GATAD2A: variants seen among roughly 807,000 people sequenced by gnomAD.
The protein encoded by GATAD2A is GATA zinc finger domain containing 2A.
A neutral mutation model predicts 68.5 loss-of-function variants in GATAD2A; 12 were observed. The observed-to-expected ratio is 0.18, with a 90% CI of 0.11 to 0.28. The LOEUF (loss-of-function observed/expected upper bound fraction) is 0.28, where lower values mean the gene tolerates loss of function less well. GATAD2A is among the 10% of genes least tolerant of loss of function. The probability of loss-of-function intolerance (pLI) is 1.00; values close to 1 mark genes in which losing one functional copy is unlikely to be tolerated. For missense variants in GATAD2A, 755 were observed against 868.5 expected, an observed-to-expected ratio of 0.87 and a Z score of 1.64; for synonymous variants, 410 against 375.3, an observed-to-expected ratio of 1.09 and a Z score of -1.07.
At chr19:19,491,031 T>A (rs1013670558) in intron 2 of GATAD2A, among the ~76,000 whole-genome samples, 2 of 152,188 alleles carry the variant, frequency 1.3e-5, no homozygotes, top group Non-Finnish European at 2.9e-5. Flanking sequence ...GTGTTCAGCC[T>A]TGCGCCTTCA....
At chr19:19,445,749 A>G (rs1340031015) in intron 1 of GATAD2A, among the ~76,000 whole-genome samples, 2 of 152,112 alleles carry the variant, frequency 1.3e-5, no homozygotes, top group Non-Finnish European at 2.9e-5. Context: ...TCAGAGTTTC[A>G]TTCCTTTTTA....
chr19:19,452,371 C>G (rs1008903114), intron 1 of GATAD2A, among the ~76,000 whole-genome samples: 2 of 152,152 alleles, frequency 1.3e-5, no homozygotes, highest in Non-Finnish European at 2.9e-5. Flanking sequence ...GGGAGACTGC[C>G]CATCTTGTGG....
At chr19:19,467,273 G>T (rs2057944936) in intron 2 of GATAD2A, among the ~76,000 whole-genome samples, 1 of 152,172 alleles carries the variant, frequency 6.6e-6, no homozygotes, top group African/African-American at 2.4e-5. Context: ...TGACTTGGGA[G>T]GCTGAGGCAG....
chr19:19,426,487 C>T (rs952925792), intron 1 of GATAD2A, among the ~76,000 whole-genome samples: 5 of 152,098 alleles, frequency 3.3e-5, no homozygotes, highest in Admixed American at 6.6e-5. Context: ...CCTCACCATT[C>T]CATGTGTTTC....
At chr19:19,438,085 C>CA (rs1430698275) in intron 1 of GATAD2A, among the ~76,000 whole-genome samples, 4 of 152,206 alleles carry the variant, frequency 2.6e-5, no homozygotes, top group Non-Finnish European at 5.9e-5. Flanking sequence ...AGTTCAGACT[C>CA]AAAGTCTGTG....
chr19:19,508,806 AAAG>A lies in GATAD2A; in HGVS notation c.*3335_*3337del, dbSNP rs2060975502. 1 of 152,226 alleles carries A rather than the reference AAAG, an allele frequency of 6.6e-6. No homozygotes were observed. The highest frequency in any genetic ancestry group is 1.5e-5 in the Non-Finnish European group (1 of 68,048). The allele number at this position is 152,226 out of a possible 1,614,324, so 9.4% of individuals were successfully genotyped here. Reference sequence around the variant, plus strand: ...ATCTTTGATAGTAAAACAAATGTAAAAAGAAATGTTTGCCACCAGATGGGAATA... The same window carrying A: ...ATCTTTGATAGTAAAACAAATGTAAAAAATGTTTGCCACCAGATGGGAATA... On this transcript the variant is annotated 3_prime_UTR_variant, in exon 12 of 12. Transcript: ENST00000683918.
At chr19:19,412,068 ATCTCTCTCTC>A (rs67449967) in intron 1 of GATAD2A, among the ~76,000 whole-genome samples, 1 of 138,522 alleles carries the variant, frequency 7.2e-6, no homozygotes, top group African/African-American at 2.6e-5. Context: ...GCAATCCCCC[ATCTCTCTCTC>A]TCTCTCTCTC....
chr19:19,506,280 G>A lies in GATAD2A; in HGVS notation c.*806G>A. ...CTGAAGAACAGACCCAGCCAGAGAA[G>A]CAGGGATTCCAGAAGCTGCCCATTA... On this transcript the variant is annotated 3_prime_UTR_variant, in exon 12 of 12. Coordinates refer to ENST00000683918, the MANE Select transcript of GATAD2A (RefSeq NM_001384528.1). 1 of 398,122 alleles carries A rather than the reference G, an allele frequency of 2.5e-6. No individual in the cohort carries two copies. Among genetic ancestry groups the A allele is most frequent in the Non-Finnish European group, 4.4e-6 (1 of 225,960 alleles). The allele number at this position is 398,122 out of a possible 1,614,324, so 24.7% of individuals were successfully genotyped here.
chr19:19,438,196 G>A (rs2054589515), intron 1 of GATAD2A, among the ~76,000 whole-genome samples: 1 of 152,210 alleles, frequency 6.6e-6, no homozygotes, highest in Non-Finnish European at 1.5e-5. Flanking sequence ...CAGAAACAGA[G>A]GGTAGGACTA....
chr19:19,451,295 C>T (rs1203993948), intron 1 of GATAD2A, among the ~76,000 whole-genome samples: 3 of 151,952 alleles, frequency 2.0e-5, no homozygotes, highest in Admixed American at 1.3e-4. Flanking sequence ...GCAGGGGAAT[C>T]ACTTGAACCC....
Position 19,505,682 on chromosome 19 carries a change from A to G in GATAD2A, c.*208A>G. On this transcript the variant is annotated 3_prime_UTR_variant, in exon 12 of 12. Transcript: ENST00000683918. ...GGGGCTGGTGCCGCCTCATAGGCAG[A>G]CGAGGATCATCGCTGGGGGACCTTT... The G allele has an allele frequency of 2.1e-6, 1 of 484,462 alleles. No homozygotes were observed. Among genetic ancestry groups the G allele is most frequent in the South Asian group, 3.6e-5 (1 of 27,784 alleles). The allele number at this position is 484,462 out of a possible 1,614,324, so 30.0% of individuals were successfully genotyped here. A position where few individuals can be genotyped will look rare whatever the true frequency, so the allele number is the denominator to read the frequency against.
chr19:19,445,004 G>A (rs1482098504), intron 1 of GATAD2A, among the ~76,000 whole-genome samples: 1 of 152,076 alleles, frequency 6.6e-6, no homozygotes. Context: ...GCCCTCTGAG[G>A]CCACTTCCTC....
In GATAD2A at chr19:19,498,339, G is replaced by T. The variant is rs1029054510; in HGVS notation, c.925-104G>T. 6.9e-6 allele frequency: 7 copies of T among 1,013,424 alleles called. No individual in the cohort carries two copies. In the African/African-American group the frequency reaches 8.1e-5, roughly 12 times the overall value. The allele number at this position is 1,013,424 out of a possible 1,614,324, so 62.8% of individuals were successfully genotyped here. Reference sequence around the variant, plus strand: ...TTTGTTAAGGACGCCATCGTCAAGGGTACTGGTTAGTGCAGTTGACAGGAC... The same window carrying T: ...TTTGTTAAGGACGCCATCGTCAAGGTTACTGGTTAGTGCAGTTGACAGGAC... On this transcript the variant is annotated intron_variant, in intron 7 of 11. Coordinates refer to ENST00000683918, the MANE Select transcript of GATAD2A (RefSeq NM_001384528.1).
intron 1 of GATAD2A, among the ~76,000 whole-genome samples, chr19:19,445,080 A>G (rs2055557281): frequency 6.6e-6 from 1 of 151,920 alleles, no homozygotes. Flanking sequence ...ACTCCCAGGC[A>G]TTGGATCTTT....
chr19:19,496,247 G>T, intron 7 of GATAD2A, 28 bp downstream of exon 7: 1 of 1,599,090 alleles, frequency 6.3e-7, no homozygotes, highest in Admixed American at 1.7e-5. Flanking sequence ...CTGTGCCAGG[G>T]AGAGTGTGTG....
In GATAD2A at chr19:19,425,988, A is replaced by G. The variant is rs537259242; in HGVS notation, c.-7+19969A>G. Reference sequence around the variant, plus strand: ...TTTTTTGTAGGGATGGTGTTTTGCTATGTTGTCCAGGCTGGTCTCGAACTT... The same window carrying G: ...TTTTTTGTAGGGATGGTGTTTTGCTGTGTTGTCCAGGCTGGTCTCGAACTT... On this transcript the variant is annotated intron_variant, in intron 1 of 11. Coordinates refer to ENST00000683918, the MANE Select transcript of GATAD2A (RefSeq NM_001384528.1). Among the ~76,000 whole-genome samples, 99 of 152,060 alleles carry G rather than the reference A, an allele frequency of 6.5e-4. No homozygotes were observed. The South Asian group carries it at 0.017, about 25-fold the overall frequency.
chr19:19,397,150 T>C (rs142075014), intron 1 of GATAD2A, among the ~76,000 whole-genome samples: 323 of 152,344 alleles, frequency 2.1e-3, no homozygotes, highest in African/African-American at 6.9e-3. Context: ...GCTGATCACA[T>C]TGGCAAGAAA....
At chr19:19,463,804 C>T (rs1260836047) in intron 1 of GATAD2A, among the ~76,000 whole-genome samples, 3 of 152,172 alleles carry the variant, frequency 2.0e-5, no homozygotes, top group African/African-American at 4.8e-5. Flanking sequence ...AGCCGGTGCC[C>T]GGGTGCCCTG....
chr19:19,393,989 T>G lies in GATAD2A; in HGVS notation c.-7+7851T>G, dbSNP rs542563051. On this transcript the variant is annotated intron_variant, in intron 1 of 11. Transcript: ENST00000360315. Reference sequence around the variant, plus strand: ...GCAACCTCCACCTCCTGGGTTCAAGTGATTCTCCTACCTCAGCCTCCCGAG... The same window carrying G: ...GCAACCTCCACCTCCTGGGTTCAAGGGATTCTCCTACCTCAGCCTCCCGAG... Among the ~76,000 whole-genome samples, 474 of 151,568 alleles carry G rather than the reference T, an allele frequency of 3.1e-3. 1 individual carries two copies. The highest frequency in any genetic ancestry group is 5.5e-3 in the Non-Finnish European group (371 of 67,840).
Sources: gnomAD v4.1 joint callset for allele counts (sites outside exome capture counted in the v4.1 genomes callset) on GRCh38, gnomAD v4.1.1 for gene constraint, MANE v1.5 for transcripts, NCBI Gene and HGNC (gene_info 2026-07-23, HGNC 2026-07-21) for gene names.